LTBP1: variants seen among roughly 807,000 people sequenced by gnomAD.
LTBP1 encodes latent-transforming growth factor beta-binding protein 1.
LTBP1 carries 129 observed loss-of-function variants against 207.6 expected under a neutral mutation model. The observed-to-expected ratio is 0.62, with a 90% CI of 0.54 to 0.72. The LOEUF is 0.72. LTBP1 is among the 30% of genes least tolerant of loss of function. LTBP1 has a pLI of 0.00. For missense variants in LTBP1, 2,281 were observed against 2,217.2 expected (o/e 1.03, Z -0.58); for synonymous variants, 963 against 833.7 (o/e 1.16, Z -2.67).
chr2:33,151,647 T>C (rs1023921354), intron 5 of LTBP1, among the ~76,000 whole-genome samples: 3 of 152,098 alleles, frequency 2.0e-5, no homozygotes, highest in African/African-American at 4.8e-5. Context: ...CTAAAGTCCA[T>C]TGTATTATTC....
intron 2 of LTBP1, among the ~76,000 whole-genome samples, 175 bp from the exon 3 acceptor site, chr2:33,020,734 A>G (rs906394240): frequency 3.3e-5 from 5 of 152,160 alleles, no homozygotes; most frequent in Non-Finnish European, 7.3e-5. Flanking sequence ...GGAAGCCATT[A>G]ATATTAGCTC....
intron 3 of LTBP1, among the ~76,000 whole-genome samples, chr2:33,089,625 C>G (rs1455542237): frequency 6.6e-6 from 1 of 152,086 alleles, no homozygotes; most frequent in African/African-American, 2.4e-5. Flanking sequence ...AAATATTGAG[C>G]CAGATAAAAA....
At chr2:33,363,134 C>A (rs1559070344) in intron 28 of LTBP1, among the ~76,000 whole-genome samples, 1 of 152,182 alleles carries the variant, frequency 6.6e-6, no homozygotes, top group East Asian at 1.9e-4. Context: ...TCTCAGAAAC[C>A]ATATTTACAA....
intron 5 of LTBP1, among the ~76,000 whole-genome samples, chr2:33,186,546 T>A (rs886216400): frequency 6.6e-6 from 1 of 152,208 alleles, no homozygotes; most frequent in Non-Finnish European, 1.5e-5. Flanking sequence ...AATGGCATGG[T>A]GGTAGACAAT....
intron 3 of LTBP1, among the ~76,000 whole-genome samples, chr2:33,094,910 C>T (rs1246017995): frequency 6.6e-6 from 1 of 152,170 alleles, no homozygotes; most frequent in Non-Finnish European, 1.5e-5. Flanking sequence ...TTAAAAATAA[C>T]TCCATTACCA....
At chr2:33,027,780 T>C (rs1372269109) in intron 3 of LTBP1, among the ~76,000 whole-genome samples, 1 of 152,030 alleles carries the variant, frequency 6.6e-6, no homozygotes, top group Non-Finnish European at 1.5e-5. Flanking sequence ...GAGGTTGCAG[T>C]GAGCTGAGAT....
chr2:33,176,031 GCATTA>G (rs2086011078), intron 5 of LTBP1, among the ~76,000 whole-genome samples: 1 of 150,832 alleles, frequency 6.6e-6, no homozygotes, highest in Non-Finnish European at 1.5e-5. Flanking sequence ...GGGAGGGATA[GCATTA>G]GGAGATATAC....
chr2:33,171,439 G>T (rs202112914), intron 5 of LTBP1, among the ~76,000 whole-genome samples: 23 of 148,548 alleles, frequency 1.5e-4, no homozygotes, highest in Non-Finnish European at 7.5e-5. Flanking sequence ...GAAATGAAGC[G>T]AGAAGGGAAG....
intron 7 of LTBP1, among the ~76,000 whole-genome samples, chr2:33,191,526 C>T (rs1573077395): frequency 6.6e-6 from 1 of 152,196 alleles, no homozygotes; most frequent in Non-Finnish European, 1.5e-5. Flanking sequence ...ATGCTAAAGA[C>T]TGCCCAATTA....
At chr2:33,095,538 A>G (rs2079336806) in intron 3 of LTBP1, among the ~76,000 whole-genome samples, 1 of 152,174 alleles carries the variant, frequency 6.6e-6, no homozygotes, top group Non-Finnish European at 1.5e-5. Flanking sequence ...AATAATATTC[A>G]TGAAATACTG....
At position 33,310,812 on chromosome 2, in the gene LTBP1, C is replaced by T. The variant is rs139025875; in HGVS notation, c.3604+1256C>T. Reference sequence around the variant, plus strand: ...ATACCTGACTTGCCCCACAAGCTTTCCTCTATTTACTAGTGTTAGTAAACC... The same window carrying T: ...ATACCTGACTTGCCCCACAAGCTTTTCTCTATTTACTAGTGTTAGTAAACC... On this transcript the variant is annotated intron_variant, in intron 23 of 33. Transcript: ENST00000404816. Among the ~76,000 whole-genome samples, 22 of 152,274 alleles carry T rather than the reference C, an allele frequency of 1.4e-4. No homozygotes were observed. The East Asian group carries it at 4.2e-3, about 29-fold the overall frequency.
At position 33,342,173 on chromosome 2, in the gene LTBP1, A is replaced by G. The variant is rs188347102; in HGVS notation, c.3731-665A>G. ...GAACATTTTTATTAATGAGAAAAAAAGGCAGAAGATCACTCTCATCACGTT... is the reference window on the plus strand; with the variant it reads ...GAACATTTTTATTAATGAGAAAAAAGGGCAGAAGATCACTCTCATCACGTT... On this transcript the variant is annotated intron_variant, in intron 24 of 33. Transcript: ENST00000404816. Among the ~76,000 whole-genome samples, 107 of 152,364 alleles carry G rather than the reference A, an allele frequency of 7.0e-4. No homozygotes were observed. The East Asian group carries it at 0.018, about 25-fold the overall frequency.
chr2:33,194,676 A>G (rs772477153), intron 7 of LTBP1, among the ~76,000 whole-genome samples: 2 of 152,240 alleles, frequency 1.3e-5, no homozygotes, highest in African/African-American at 2.4e-5. Context: ...TCTGCATACC[A>G]TAAAAGTACA....
intron 2 of LTBP1, among the ~76,000 whole-genome samples, chr2:33,016,553 A>G (rs1424815739): frequency 1.3e-5 from 2 of 152,038 alleles, no homozygotes; most frequent in Non-Finnish European, 2.9e-5. Flanking sequence ...GGGAGTTTTA[A>G]AAGTTCCCCA....
chr2:33,008,006 A>T (rs973939041), intron 2 of LTBP1, among the ~76,000 whole-genome samples: 1 of 152,228 alleles, frequency 6.6e-6, no homozygotes, highest in Non-Finnish European at 1.5e-5. Flanking sequence ...GACACTCGCT[A>T]ATCAAAGTAA....
intron 24 of LTBP1, among the ~76,000 whole-genome samples, chr2:33,342,379 G>A (rs908061096): frequency 1.3e-5 from 2 of 152,168 alleles, no homozygotes; most frequent in Non-Finnish European, 2.9e-5. Context: ...GTGTAGTCTG[G>A]ATCAAGGTTA....
intron 15 of LTBP1, among the ~76,000 whole-genome samples, chr2:33,265,708 C>T (rs1368441491): frequency 1.3e-5 from 2 of 151,780 alleles, no homozygotes; most frequent in Non-Finnish European, 2.9e-5. Context: ...TTTTTAGTGG[C>T]ATCTGAGAGA....
Position 33,110,594 on chromosome 2 carries a change from T to C in LTBP1, c.876T>C (p.Leu292=), listed in dbSNP as rs776691470. The part of the protein sequence containing the change: ...PQQIHSQVTP[L]SSQSVVIHHG... ...TGTTTCTTCCCAGAGTGACTCCTCT[T>C]TCTTCCCAGAGTGTGGTGATTCACC... Residue 292 remains leucine (L), a synonymous_variant, in exon 4 of 34, where the codon CTT becomes CTC. Transcript: ENST00000404816. 6.2e-7 allele frequency: 1 copy of C among 1,613,302 alleles called. No homozygotes were observed. The highest frequency in any genetic ancestry group is 8.5e-7 in the Non-Finnish European group (1 of 1,179,606).
At chr2:33,261,012 G>A (rs563021477) in intron 13 of LTBP1, among the ~76,000 whole-genome samples, 1 of 152,292 alleles carries the variant, frequency 6.6e-6, no homozygotes, top group Non-Finnish European at 1.5e-5. Context: ...ATGATGTTAT[G>A]TGATGGATGA....
Sources: gnomAD v4.1 joint callset for allele counts (sites outside exome capture counted in the v4.1 genomes callset) on GRCh38, gnomAD v4.1.1 for gene constraint, MANE v1.5 for transcripts, NCBI Gene and HGNC (gene_info 2026-07-23, HGNC 2026-07-21) for gene names.